MAMDC4: variants seen among roughly 807,000 people sequenced by gnomAD.
MAMDC4 encodes MAM domain containing 4, also known as apical endosomal glycoprotein.
MAMDC4 carries 168 observed loss-of-function variants against 153.3 expected under a neutral mutation model. The observed-to-expected ratio is 1.10, with a 90% confidence interval of 0.97 to 1.25. The LOEUF (loss-of-function observed/expected upper bound fraction) is 1.25. Ranked by LOEUF, MAMDC4 falls within the 50% of genes most tolerant of loss-of-function variation. MAMDC4 has a pLI of 0.00. For missense variants in MAMDC4, 1,701 were observed against 1,542.8 expected, an observed-to-expected ratio of 1.10 and a Z score of -1.72; for synonymous variants, 744 against 651.5, an observed-to-expected ratio of 1.14 and a Z score of -2.16.
Position 136,856,777 on chromosome 9 carries a change from G to C in MAMDC4, c.1788G>C (p.Trp596Cys). 6.2e-7 allele frequency: 1 copy of C among 1,611,912 alleles called. No individual in the cohort carries two copies. ...WYPGHLSDTHWRWVESRGPDH... is the reference protein window; with the variant it reads ...WYPGHLSDTHCRWVESRGPDH... ...CAGGCCACCTCTCAGACACACACTG[G>C]CGCTGGGTGGAGAGCCGCGGCCCTG... The change falls in exon 15 of 27, where the codon TGG becomes TGC. Residue 596 changes from tryptophan (W) to cysteine (C), a missense_variant. Transcript: ENST00000317446.
Position 136,859,283 on chromosome 9 carries a change from T to G in MAMDC4, c.3159T>G (p.Ala1053=). The change falls in exon 25 of 27, where the codon GCT becomes GCG. Residue 1053 remains alanine, a synonymous_variant. Coordinates refer to ENST00000317446, the MANE Select transcript of MAMDC4 (RefSeq NM_206920.3). ...CCCTGGATGACGTGGAGTATCTGGC[T>G]GGGCAGCATTGCCAGCAGCCTGCCC... ...PIALDDVEYL[A]GQHCQQPAPS... The G allele has an allele frequency of 6.2e-7, 1 of 1,611,706 alleles. No homozygotes were observed. The highest frequency in any genetic ancestry group is 8.5e-7 in the Non-Finnish European group (1 of 1,179,344).
Position 136,857,815 on chromosome 9 carries a change from G to C in MAMDC4, c.2464+19G>C, listed in dbSNP as rs757405675. Reference sequence around the variant, plus strand: ...AGCCCAGGTGAGGGGCTTTGGGAGGGGGCCCCAGTGGGCTCAGGGAAGCTT... The same window carrying C: ...AGCCCAGGTGAGGGGCTTTGGGAGGCGGCCCCAGTGGGCTCAGGGAAGCTT... On this transcript the variant is annotated intron_variant, in intron 19 of 26. Transcript: ENST00000317446. 6.2e-7 allele frequency: 1 copy of C among 1,608,770 alleles called. No homozygotes were observed. The highest frequency in any genetic ancestry group is 8.5e-7 in the Non-Finnish European group (1 of 1,178,050).
chr9:136,853,369 C>T lies in MAMDC4; in HGVS notation c.239C>T (p.Thr80Ile). Reference sequence around the variant, plus strand: ...CCCTGCGGCTGGCGGGACATTAGTACCTCAGGCTACAGCTGGCTCCGAGAC... The same window carrying T: ...CCCTGCGGCTGGCGGGACATTAGTATCTCAGGCTACAGCTGGCTCCGAGAC... The part of the protein sequence containing the change: ...QDPCGWRDIS[T>I]SGYSWLRDRA... Residue 80 changes from threonine (T) to isoleucine (I), a missense_variant, in exon 3 of 27, where the codon ACC (threonine) becomes ATC (isoleucine). Thr to Ile is a moderately conservative substitution (Grantham distance 89, BLOSUM62 -1). Transcript: ENST00000317446. The T allele has an allele frequency of 6.2e-7, 1 of 1,606,934 alleles. No homozygotes were observed. Among genetic ancestry groups the T allele is most frequent in the African/African-American group, 1.3e-5 (1 of 74,958 alleles).
chr9:136,856,223 G>A, intron 14 of MAMDC4, 74 bp downstream of exon 14: 1 of 1,609,580 alleles, frequency 6.2e-7, no homozygotes, highest in African/African-American at 1.3e-5. Context: ...TCTGGGGCCG[G>A]GTGACCCACA....
rs1848953920 is a variant in MAMDC4 at position 136,853,314 on chromosome 9, G to GC, written c.189dup (p.Phe64LeufsTer4). 1 of 1,601,792 alleles carries GC rather than the reference G, an allele frequency of 6.2e-7. No homozygotes were observed. Among genetic ancestry groups the GC allele is most frequent in the Non-Finnish European group, 8.5e-7 (1 of 1,172,206 alleles). ...CCACGGGGCCTCGCCCACCCTGGGC[G>GC]CCCCCTTCGCCTGTGACTTCGAGCA... is the stretch of plus-strand genomic sequence containing the variant. On this transcript the variant is annotated frameshift_variant, in exon 3 of 27. Transcript: ENST00000317446. LOFTEE classifies it high-confidence loss of function.
intron 14 of MAMDC4, 174 bp downstream of exon 14, chr9:136,856,323 G>A: frequency 1.8e-6 from 2 of 1,102,436 alleles, no homozygotes; most frequent in Non-Finnish European, 1.4e-6. Context: ...CTGAGCAGCA[G>A]TGCAGGCATC....
chr9:136,858,671 G>T, intron 22 of MAMDC4, 48 bp from the exon 23 acceptor site: 1 of 1,608,698 alleles, frequency 6.2e-7, no homozygotes, highest in Non-Finnish European at 8.5e-7. Flanking sequence ...CGGGCCCTGA[G>T]GGCTGGCTCT....
At chr9:136,858,120 C>T in intron 20 of MAMDC4, 23 bp downstream of exon 20, 17 of 1,523,688 alleles carry the variant, frequency 1.1e-5, no homozygotes, top group Non-Finnish European at 1.4e-5. Context: ...TGGGGTGCCC[C>T]TCCCCCTCCC....
chr9:136,857,905 G>A, intron 19 of MAMDC4, 74 bp from the exon 20 acceptor site: 1 of 1,472,280 alleles, frequency 6.8e-7, no homozygotes, highest in African/African-American at 1.4e-5. Flanking sequence ...CGCCAGGCTG[G>A]GAGCCTGGGA....
chr9:136,860,215 C>T (rs1588395877), intron 26 of MAMDC4, 151 bp downstream of exon 26: 1 of 975,578 alleles, frequency 1.0e-6, no homozygotes, highest in East Asian at 2.6e-5. Flanking sequence ...TCCCAGCCAC[C>T]ACTGTCAAAG....
intron 20 of MAMDC4, 22 bp downstream of exon 20, chr9:136,858,119 C>T (rs1461941936): frequency 2.0e-6 from 3 of 1,522,898 alleles, no homozygotes; most frequent in Admixed American, 3.9e-5. Context: ...GTGGGGTGCC[C>T]CTCCCCCTCC....
rs1564389516 is a variant in MAMDC4 at position 136,859,909 on chromosome 9, GT to G, written c.3218del (p.Val1073GlyfsTer77). 1 of 1,612,340 alleles carries G rather than the reference GT, an allele frequency of 6.2e-7. No individual in the cohort carries two copies. The highest frequency in any genetic ancestry group is 8.5e-7 in the Non-Finnish European group (1 of 1,179,954). On this transcript the variant is annotated frameshift_variant, in exon 26 of 27. Coordinates refer to ENST00000317446, the MANE Select transcript of MAMDC4 (RefSeq NM_206920.3). LOFTEE classifies it high-confidence loss of function. The stretch of plus-strand genomic sequence containing the variant: ...AGGGAACACAGCCGCACCCGGGTCT[GT>G]GCCAGCTGTGGTTGGCAGTGCCCTC... The part of the protein sequence containing the change: ...SPGNTAAPGS[V>X]PAVVGSALLL...
Position 136,853,548 on chromosome 9 carries a change from G to C in MAMDC4, c.332G>C (p.Trp111Ser), listed in dbSNP as rs749539113. 6.2e-6 allele frequency: 10 copies of C among 1,612,558 alleles called. No individual in the cohort carries two copies. The African/African-American group carries it at 1.1e-4, about 17-fold the overall frequency. ...CCTGACCTCTCACCTGCGCCAGGCTGGTACATGGCCGTTGGAACCCACCGA... is the reference window on the plus strand; with the variant it reads ...CCTGACCTCTCACCTGCGCCAGGCTCGTACATGGCCGTTGGAACCCACCGA... ...SDHTLGTDLG[W>S]YMAVGTHRGK... Residue 111 changes from tryptophan (W) to serine (S), a missense_variant, in exon 4 of 27, where the codon TGG becomes TCG. Transcript: ENST00000317446.
At position 136,859,851 on chromosome 9, in the gene MAMDC4, G is replaced by A. The variant is rs1239143931; in HGVS notation, c.3194-35G>A. 2.5e-6 allele frequency: 4 copies of A among 1,609,270 alleles called. No individual in the cohort carries two copies. In the East Asian group the frequency reaches 6.7e-5, roughly 27 times the overall value. ...CTCCTTAGCCCCAGATGTGGGGGCT[G>A]CTTTGGAGGGCTCACATGTCCCTAT... On this transcript the variant is annotated intron_variant, in intron 25 of 26. Coordinates refer to ENST00000317446, the MANE Select transcript of MAMDC4 (RefSeq NM_206920.3).
Position 136,857,521 on chromosome 9 carries a change from A to C in MAMDC4, c.2261A>C (p.Gln754Pro), listed in dbSNP as rs1849024162. The part of the protein sequence containing the change: ...SPGGQGLWRR[Q>P]ANASGHAAWG... ...GGAGGCCAAGGTCTCTGGAGGCGGC[A>C]GGCCAATGCCTCGGGCCATGCTGCC... The change falls in exon 18 of 27, where the codon CAG becomes CCG. Residue 754 changes from glutamine (Q) to proline (P), a missense_variant. Gln to Pro is a moderately conservative substitution (Grantham distance 76). Transcript: ENST00000317446. 6.2e-7 allele frequency: 1 copy of C among 1,610,834 alleles called. No individual in the cohort carries two copies. Among genetic ancestry groups the C allele is most frequent in the Admixed American group, 1.7e-5 (1 of 60,008 alleles).
At position 136,857,723 on chromosome 9, in the gene MAMDC4, C is replaced by T. The variant is rs752761977; in HGVS notation, c.2391C>T (p.Thr797=). ...CCCGGGGCCAGACGGCCTCCCTGACCTCCAAGGAGCACAGGCCCCTGGCCC... is the reference window on the plus strand; with the variant it reads ...CCCGGGGCCAGACGGCCTCCCTGACTTCCAAGGAGCACAGGCCCCTGGCCC... ...ALPRGQTASL[T]SKEHRPLAQP... Residue 797 remains threonine, a synonymous_variant, in exon 19 of 27, where the codon ACC becomes ACT. Coordinates refer to ENST00000317446, the MANE Select transcript of MAMDC4 (RefSeq NM_206920.3). 10 of 1,612,524 alleles carry T rather than the reference C, an allele frequency of 6.2e-6. No individual in the cohort carries two copies. In the East Asian group the frequency reaches 1.1e-4, roughly 18 times the overall value.
rs1554774599 is a variant in MAMDC4 at position 136,858,516 on chromosome 9, C to G, written c.2791C>G (p.Pro931Ala). 2 of 1,598,220 alleles carry G rather than the reference C, an allele frequency of 1.3e-6. No individual in the cohort carries two copies. The highest frequency in any genetic ancestry group is 1.7e-6 in the Non-Finnish European group (2 of 1,173,498). ...GATPSRYPQP[P>A]VDHTLGTEAG... ...CACCCCCTCTCGTTACCCCCAGCCCCCTGTGGACCACACCCTGGGCACAGA... is the reference window on the plus strand; with the variant it reads ...CACCCCCTCTCGTTACCCCCAGCCCGCTGTGGACCACACCCTGGGCACAGA... Residue 931 changes from proline (P) to alanine (A), a missense_variant, in exon 22 of 27, where the codon CCT (proline) becomes GCT (alanine). Physicochemically the swap from Pro to Ala is conservative, Grantham distance 27 (BLOSUM62 -1). Transcript: ENST00000317446.
chr9:136,860,665 AG>A lies in MAMDC4; in HGVS notation c.*65del. The A allele has an allele frequency of 6.3e-7, 1 of 1,593,390 alleles. No homozygotes were observed. Among genetic ancestry groups the A allele is most frequent in the Non-Finnish European group, 8.6e-7 (1 of 1,163,228 alleles). Reference sequence around the variant, plus strand: ...TCCAGCACTTGGTCAGACCCTAGCCAGGGACCGGACACCTGCCCCGCCCAGG... The same window carrying A: ...TCCAGCACTTGGTCAGACCCTAGCCAGGACCGGACACCTGCCCCGCCCAGG... On this transcript the variant is annotated 3_prime_UTR_variant, in exon 27 of 27. Coordinates refer to ENST00000317446, the MANE Select transcript of MAMDC4 (RefSeq NM_206920.3).
rs1338396321 is a variant in MAMDC4 at position 136,857,170 on chromosome 9, C to T, written c.1978C>T (p.Leu660=). ...GACTGGTCCCCTCCCTGCAGGGACT[C>T]TGCGCCTAGCCATGAGACGGGAAGG... ...YHLHGPQIGT[L]RLAMRREGEE... Residue 660 remains leucine, a synonymous_variant, in exon 17 of 27, where the codon CTG becomes TTG. Coordinates refer to ENST00000317446, the MANE Select transcript of MAMDC4 (RefSeq NM_206920.3). 1 of 1,612,316 alleles carries T rather than the reference C, an allele frequency of 6.2e-7. No individual in the cohort carries two copies. Among genetic ancestry groups the T allele is most frequent in the African/African-American group, 1.3e-5 (1 of 74,932 alleles).
Sources: allele counts gnomAD v4.1 joint callset, GRCh38; gene constraint gnomAD v4.1.1; transcripts MANE v1.5; gene names NCBI Gene and HGNC (gene_info 2026-07-23, HGNC 2026-07-21).